The following IGF2R variants were observed in gnomAD, a reference collection of about 807,000 sequenced individuals.
The protein encoded by IGF2R is cation-independent mannose-6-phosphate receptor.
Under a neutral mutation model 270.6 loss-of-function variants are expected in IGF2R, and 91 were observed. That is an observed-to-expected ratio of 0.34 (90% CI 0.28 to 0.40). The LOEUF is 0.40. Ranked by LOEUF, IGF2R falls within the 10% of genes least tolerant of loss-of-function variation. The pLI is 1.00. For synonymous variants in IGF2R, 1,316 were observed against 1,258.9 expected, an observed-to-expected ratio of 1.05 and a Z score of -0.96; for missense variants, 2,805 against 3,188.3, an observed-to-expected ratio of 0.88 and a Z score of 2.90.
intron 11 of IGF2R, among the ~76,000 whole-genome samples, chr6:160,041,894 A>AC (rs2115243342): frequency 6.6e-6 from 1 of 152,198 alleles, no homozygotes; most frequent in South Asian, 2.1e-4. Context: ...CTGGCTGAGG[A>AC]CTGGTGTTGC....
At position 160,061,789 on chromosome 6, in the gene IGF2R, A is replaced by G. The variant is rs1778444981; in HGVS notation, c.3443A>G (p.Asn1148Ser). 1.2e-6 allele frequency: 2 copies of G among 1,614,164 alleles called. No individual in the cohort carries two copies. The highest frequency in any genetic ancestry group is 1.7e-6 in the Non-Finnish European group (2 of 1,180,038). ...AVGSCLVSEGNSWNLGVVQMS... is the reference protein window; with the variant it reads ...AVGSCLVSEGSSWNLGVVQMS... ...GGGTCTTGCTTAGTGTCAGAAGGCA[A>G]TAGCTGGAATCTGGGTGTGGTGCAG... Residue 1148 changes from asparagine to serine, a missense_variant, in exon 25 of 48, where the codon AAT becomes AGT. This residue lies in a region of IGF2R where 1,851 missense variants were observed against 2,207.2 expected (regional missense o/e 0.84). Transcript: ENST00000356956.
At position 160,010,728 on chromosome 6, in the gene IGF2R, C is replaced by T. The variant is rs1419188796; in HGVS notation, c.456C>T (p.Tyr152=). 18 of 1,612,490 alleles carry T rather than the reference C, an allele frequency of 1.1e-5. No individual in the cohort carries two copies. The East Asian group carries it at 3.6e-4, about 32-fold the overall frequency. ...EFVTATECVH[Y]FEWRTTAACK... ...TAACTGCAACAGAATGTGTGCACTA[C>T]TTTGAGTGGAGGACCACTGCAGCCT... is the stretch of plus-strand genomic sequence containing the variant. The change falls in exon 4 of 48, where the codon TAC becomes TAT. Residue 152 remains tyrosine (Y), a synonymous_variant. Transcript: ENST00000356956.
chr6:160,077,450 C>T (rs1162261462), intron 36 of IGF2R, among the ~76,000 whole-genome samples: 7 of 152,160 alleles, frequency 4.6e-5, no homozygotes. Context: ...CTATGCCTTG[C>T]TTTGACTCTG....
chr6:160,088,974 C>A, intron 42 of IGF2R, 133 bp from the exon 43 acceptor site: 2 of 875,760 alleles, frequency 2.3e-6, no homozygotes, highest in Non-Finnish European at 3.3e-6. Context: ...CCTCGGGACC[C>A]AACTGAAGTC....
Position 160,104,938 on chromosome 6 carries a change from C to T in IGF2R, c.7330C>T (p.Gln2444Ter). ...PVRNAQSNAL[Q>*]EREDDRVGLV... The stretch of plus-strand genomic sequence containing the variant: ...GAGAAACGCACAGAGCAATGCCCTT[C>T]AGGAGCGTGAGGACGATAGGGTGGG... The change falls in exon 48 of 48, where the codon CAG becomes TAG. Residue 2444 changes from glutamine (Q) to a stop codon, truncating the protein, a stop_gained. Coordinates refer to ENST00000356956, the MANE Select transcript of IGF2R (RefSeq NM_000876.4). LOFTEE classifies it low-confidence loss of function (END_TRUNC). 6.2e-7 allele frequency: 1 copy of T among 1,614,118 alleles called. No individual in the cohort carries two copies. The highest frequency in any genetic ancestry group is 8.5e-7 in the Non-Finnish European group (1 of 1,180,032).
intron 38 of IGF2R, 80 bp downstream of exon 38, chr6:160,079,867 G>A (rs551838581): frequency 2.7e-5 from 34 of 1,276,212 alleles, no homozygotes; most frequent in East Asian, 9.9e-5. Flanking sequence ...AAGAAGCTGC[G>A]GAGTGGAGCT....
At position 160,024,538 on chromosome 6, in the gene IGF2R, A is replaced by G. The variant is rs767750901; in HGVS notation, c.514-34A>G. The G allele has an allele frequency of 3.1e-6, 5 of 1,609,846 alleles. No individual in the cohort carries two copies. The Admixed American group carries it at 5.0e-5, about 16-fold the overall frequency. ...GCTTTTCTGATTGACCAAGATGTAT[A>G]CTGAAGACTCACTTTTTTCTTCCTC... On this transcript the variant is annotated intron_variant, in intron 4 of 47. Coordinates refer to ENST00000356956, the MANE Select transcript of IGF2R (RefSeq NM_000876.4).
At chr6:160,049,030 C>G (rs1450792361) in intron 18 of IGF2R, among the ~76,000 whole-genome samples, 2 of 152,054 alleles carry the variant, frequency 1.3e-5, no homozygotes, top group Non-Finnish European at 2.9e-5. Context: ...CTCCTGTGGT[C>G]GTTGTACGTG....
At chr6:159,991,467 TTTG>T (rs1783978768) in intron 2 of IGF2R, 144 bp downstream of exon 2, 1 of 681,048 alleles carries the variant, frequency 1.5e-6, no homozygotes, top group Non-Finnish European at 2.4e-6. Context: ...ATAATACACA[TTTG>T]TTAGTAGTTA....
rs762519931 is a variant in IGF2R at position 160,047,310 on chromosome 6, G to A, written c.2203G>A (p.Ala735Thr). The change falls in exon 16 of 48, where the codon GCG becomes ACG. Residue 735 changes from alanine (A) to threonine (T), a missense_variant. By Grantham distance (58) the Ala-to-Thr change is moderately conservative. Around this residue, in one of 2 missense-constraint regions of IGF2R, gnomAD observed 954 missense variants for 981.1 expected, o/e 0.97. Coordinates refer to ENST00000356956, the MANE Select transcript of IGF2R (RefSeq NM_000876.4). Reference protein sequence around the residue: ...TLITFLCDRDAGVGFPEYQEE... With the variant: ...TLITFLCDRDTGVGFPEYQEE... ...CATCACCTTTCTCTGTGATCGAGAC[G>A]CGGGAGTGGGCTTCCCTGAATATCA... 37 of 1,601,430 alleles carry A rather than the reference G, an allele frequency of 2.3e-5. 1 individual carries two copies. The East Asian group carries it at 8.0e-4, about 35-fold the overall frequency.
At chr6:160,065,814 G>GTGTATGTA in intron 29 of IGF2R, among the ~76,000 whole-genome samples, 4 of 78,392 alleles carry the variant, frequency 5.1e-5, no homozygotes, top group African/African-American at 2.3e-4. Context: ...GTGTGTGTGT[G>GTGTATGTA]TATATATATA....
chr6:160,028,703 T>C (rs1253764603), intron 6 of IGF2R, among the ~76,000 whole-genome samples: 1 of 152,206 alleles, frequency 6.6e-6, no homozygotes, highest in Non-Finnish European at 1.5e-5. Flanking sequence ...CTGCTGTAAC[T>C]GCTGGGCAGG....
At chr6:159,969,969 G>A (rs1477718520) in intron 1 of IGF2R, among the ~76,000 whole-genome samples, 1 of 151,542 alleles carries the variant, frequency 6.6e-6, no homozygotes, top group Non-Finnish European at 1.5e-5. Context: ...TTTAGCAGGC[G>A]GTGACTTTTG....
rs921724338 is a variant in IGF2R, at chr6:160,106,232, G to T, written c.*1148G>T. ...AGGGAGGCCAGGCGGGCATGGCGTG[G>T]AGGAGGAGGGAGGCCGGGCGGTCAC... is the stretch of plus-strand genomic sequence containing the variant. On this transcript the variant is annotated 3_prime_UTR_variant, in exon 48 of 48. Transcript: ENST00000356956. The T allele has an allele frequency of 2.0e-5, 3 of 150,834 alleles. No homozygotes were observed. Among genetic ancestry groups the T allele is most frequent in the African/African-American group, 7.6e-5 (3 of 39,506 alleles). 9.3% of individuals were successfully genotyped at this position (150,834 alleles called of 1,614,324 possible).
Position 160,105,387 on chromosome 6 carries a change from A to G in IGF2R, c.*303A>G, listed in dbSNP as rs913534642. On this transcript the variant is annotated 3_prime_UTR_variant, in exon 48 of 48. Transcript: ENST00000356956. ...GACGCATCTCAAAACAGAGGGCTGCATTCGAAGAAACCCTTGCTGCTTTAG... is the reference window on the plus strand; with the variant it reads ...GACGCATCTCAAAACAGAGGGCTGCGTTCGAAGAAACCCTTGCTGCTTTAG... 4 of 279,402 alleles carry G rather than the reference A, an allele frequency of 1.4e-5. No homozygotes were observed. The highest frequency in any genetic ancestry group is 2.7e-5 in the Non-Finnish European group (4 of 149,012). The allele number at this position is 279,402 out of a possible 1,614,324, so 17.3% of individuals were successfully genotyped here.
chr6:160,060,548 T>C lies in IGF2R; in HGVS notation c.3093T>C (p.Gly1031=). 6.2e-7 allele frequency: 1 copy of C among 1,614,230 alleles called. No homozygotes were observed. The highest frequency in any genetic ancestry group is 8.5e-7 in the Non-Finnish European group (1 of 1,180,002). Residue 1031 remains glycine, a splice_region_variant and synonymous_variant, in exon 23 of 48, where the codon GGT becomes GGC. Transcript: ENST00000356956. ...AATCTGGGCCTTCTTGCTTTACAGG[T>C]ACCGCTGATGCTTTTATCGTCCGCT... The part of the protein sequence containing the change: ...LTYKGPLSAK[G]TADAFIVRFV...
At chr6:160,093,014 A>C (rs1040151938) in intron 44 of IGF2R, 13 of 152,352 alleles carry the variant, frequency 8.5e-5, no homozygotes, top group Admixed American at 8.5e-4. Context: ...AGCTCCCTGG[A>C]AGCAGTTACA....
At chr6:160,078,432 G>A in intron 37 of IGF2R, 70 bp downstream of exon 37, 1 of 1,468,968 alleles carries the variant, frequency 6.8e-7, no homozygotes, top group Non-Finnish European at 9.4e-7. Flanking sequence ...GCTGCTGGGA[G>A]TGTTTTGGAT....
intron 1 of IGF2R, among the ~76,000 whole-genome samples, chr6:159,978,726 C>T (rs1429226047): frequency 2.6e-5 from 4 of 152,026 alleles, no homozygotes; most frequent in East Asian, 1.9e-4. Flanking sequence ...TTTTTGTCTC[C>T]GTGTTAGCCA....
Sources: allele counts gnomAD v4.1 joint callset (sites outside exome capture counted in the v4.1 genomes callset), GRCh38; gene constraint gnomAD v4.1.1; regional missense constraint gnomAD v4.1.1; transcripts MANE v1.5; gene names NCBI Gene and HGNC (gene_info 2026-07-23, HGNC 2026-07-21).